ADAM23: variants seen among roughly 807,000 people sequenced by gnomAD.
ADAM23 encodes the protein disintegrin and metalloproteinase domain-containing protein 23.
ADAM23 carries 33 observed loss-of-function variants against 120.1 expected under a neutral mutation model. The observed-to-expected ratio is 0.27, with a 90% CI of 0.21 to 0.37. The LOEUF (loss-of-function observed/expected upper bound fraction) is 0.37. ADAM23 is among the 10% of genes least tolerant of loss of function. The pLI is 1.00. For missense variants in ADAM23, 862 were observed against 1,058.2 expected (o/e 0.81, Z 2.57); for synonymous variants, 367 against 375.2 (o/e 0.98, Z 0.25).
Position 206,617,569 on chromosome 2 carries a change from A to C in ADAM23, c.2451-10A>C, listed in dbSNP as rs1278320439. 1 of 1,598,246 alleles carries C rather than the reference A, an allele frequency of 6.3e-7. No individual in the cohort carries two copies. The highest frequency in any genetic ancestry group is 1.1e-5 in the South Asian group (1 of 87,556). ...CTCTGCTTGCATCTTCTTTTGACTC[A>C]CTCTGGAAGAAATGTCAAGAAGAGA... On this transcript the variant is annotated splice_polypyrimidine_tract_variant and intron_variant, in intron 25 of 25. Transcript: ENST00000264377.
intron 3 of ADAM23, among the ~76,000 whole-genome samples, chr2:206,525,737 G>A (rs1376071423): frequency 2.6e-5 from 4 of 151,832 alleles, no homozygotes; most frequent in South Asian, 2.1e-4. Context: ...GATTACAGAC[G>A]CTCACCACCA....
rs1047463754 is a variant in ADAM23 at position 206,564,935 on chromosome 2, A to G, written c.1346-85A>G. ...GACATGGAATTGGTAATAAAGAATT[A>G]TTGTAGGAGTTGTAATACCAAAAAA... On this transcript the variant is annotated intron_variant, in intron 13 of 25. Coordinates refer to ENST00000264377, the MANE Select transcript of ADAM23 (RefSeq NM_003812.4). 8 of 1,387,982 alleles carry G rather than the reference A, an allele frequency of 5.8e-6. No individual in the cohort carries two copies. In the African/African-American group the frequency reaches 8.6e-5, roughly 15 times the overall value. 86.0% of individuals were successfully genotyped at this position (1,387,982 alleles called of 1,614,324 possible). A position where few individuals can be genotyped will look rare whatever the true frequency, so the allele number is the denominator to read the frequency against.
intron 3 of ADAM23, among the ~76,000 whole-genome samples, chr2:206,504,535 G>A (rs1023339393): frequency 6.6e-6 from 1 of 152,158 alleles, no homozygotes; most frequent in African/African-American, 2.4e-5. Flanking sequence ...ACTCAACTTT[G>A]TATCCTAGAT....
Position 206,587,391 on chromosome 2 carries a change from A to C in ADAM23, c.1788+16A>C. 4 of 1,583,386 alleles carry C rather than the reference A, an allele frequency of 2.5e-6. No individual in the cohort carries two copies. The highest frequency in any genetic ancestry group is 3.4e-6 in the Non-Finnish European group (4 of 1,163,380). ...TCAAAATCAGGTATGCTGGGCTATA[A>C]ATTTTAAGTGTAATTTAAAAAGGAT... On this transcript the variant is annotated intron_variant, in intron 19 of 25. Coordinates refer to ENST00000264377, the MANE Select transcript of ADAM23 (RefSeq NM_003812.4).
At chr2:206,526,191 G>C (rs980689135) in intron 3 of ADAM23, among the ~76,000 whole-genome samples, 2 of 145,248 alleles carry the variant, frequency 1.4e-5, no homozygotes, top group African/African-American at 2.6e-5. Context: ...GACACACACA[G>C]ACACACGTCT....
intron 13 of ADAM23, 141 bp from the exon 14 acceptor site, chr2:206,564,879 G>C (rs769475139): frequency 6.5e-5 from 55 of 840,004 alleles, no homozygotes; most frequent in Non-Finnish European, 8.4e-5. Context: ...ATTTTGTTCT[G>C]TAAGACTTCA....
chr2:206,479,251 A>G (rs926011898), intron 2 of ADAM23, among the ~76,000 whole-genome samples: 1 of 152,204 alleles, frequency 6.6e-6, no homozygotes, highest in Admixed American at 6.5e-5. Flanking sequence ...CCACCAGATT[A>G]CCTTATTTTG....
At chr2:206,514,125 G>A (rs1696683041) in intron 3 of ADAM23, among the ~76,000 whole-genome samples, 1 of 152,140 alleles carries the variant, frequency 6.6e-6, no homozygotes, top group African/African-American at 2.4e-5. Context: ...GAATCAAGGA[G>A]TAATTTCAAC....
At chr2:206,531,585 A>AAGAG (rs369519980) in intron 4 of ADAM23, among the ~76,000 whole-genome samples, 5 of 151,646 alleles carry the variant, frequency 3.3e-5, no homozygotes, top group African/African-American at 1.2e-4. Context: ...GGATTAAAGC[A>AAGAG]AGAGAGAGAG....
chr2:206,456,562 C>T (rs1280766029), intron 2 of ADAM23, among the ~76,000 whole-genome samples: 1 of 152,180 alleles, frequency 6.6e-6, no homozygotes, highest in Non-Finnish European at 1.5e-5. Flanking sequence ...CATGCAGGCA[C>T]AGAGCCAATC....
chr2:206,591,429 G>A (rs1266616559), intron 21 of ADAM23, among the ~76,000 whole-genome samples: 1 of 151,986 alleles, frequency 6.6e-6, no homozygotes, highest in East Asian at 1.9e-4. Flanking sequence ...CTCAAGTCCA[G>A]CATTTTAAGA....
Position 206,562,204 on chromosome 2 carries a change from A to G in ADAM23, c.1256A>G (p.Tyr419Cys). ...CACACTTTCAACTCTGAAAAACAGT[A>G]TGGTCTTCCAATGGCAGTGGCACAA... is the stretch of plus-strand genomic sequence containing the variant. Reference protein sequence around the residue: ...SRTRGVGVNEYGLPMAVAQVL... With the variant: ...SRTRGVGVNECGLPMAVAQVL... The change falls in exon 13 of 26, where the codon TAT becomes TGT. Residue 419 changes from tyrosine (Y) to cysteine (C), a missense_variant and splice_region_variant. Physicochemically the swap from Tyr to Cys is radical, Grantham distance 194. Coordinates refer to ENST00000264377, the MANE Select transcript of ADAM23 (RefSeq NM_003812.4). The G allele has an allele frequency of 1.2e-6, 2 of 1,613,674 alleles. No homozygotes were observed. The highest frequency in any genetic ancestry group is 1.3e-5 in the African/African-American group (1 of 75,052).
chr2:206,452,785 C>T (rs1041048968), intron 2 of ADAM23, among the ~76,000 whole-genome samples: 4 of 152,106 alleles, frequency 2.6e-5, no homozygotes, highest in Admixed American at 2.0e-4. Context: ...CTCAGTTTTC[C>T]CAGCTATCTA....
At chr2:206,604,243 G>A (rs1698691271) in intron 24 of ADAM23, among the ~76,000 whole-genome samples, 1 of 152,002 alleles carries the variant, frequency 6.6e-6, no homozygotes, top group African/African-American at 2.4e-5. Flanking sequence ...TCCAGCCTGG[G>A]CGACAGAGCG....
rs902039062 is a variant in ADAM23 at position 206,620,415 on chromosome 2, A to G, written c.*2788A>G. ...TATGAAAGTTAATGCAACCATATCAATTGTAAAAATGGATTATAATTATTT... is the reference window on the plus strand; with the variant it reads ...TATGAAAGTTAATGCAACCATATCAGTTGTAAAAATGGATTATAATTATTT... On this transcript the variant is annotated 3_prime_UTR_variant, in exon 26 of 26. Transcript: ENST00000264377. 2.0e-5 allele frequency: 3 copies of G among 152,200 alleles called. No homozygotes were observed. Among genetic ancestry groups the G allele is most frequent in the African/African-American group, 4.8e-5 (2 of 41,450 alleles). 9.4% of individuals were successfully genotyped at this position (152,200 alleles called of 1,614,324 possible).
chr2:206,588,301 T>A (rs1376474212), intron 20 of ADAM23, 147 bp downstream of exon 20: 7 of 883,904 alleles, frequency 7.9e-6, no homozygotes, highest in African/African-American at 1.7e-5. Context: ...GAACTGTGAA[T>A]CTTAGTCACA....
intron 25 of ADAM23, among the ~76,000 whole-genome samples, chr2:206,615,398 G>T (rs148116825): frequency 6.6e-6 from 1 of 152,178 alleles, no homozygotes; most frequent in African/African-American, 2.4e-5. Flanking sequence ...GGACCTGCCC[G>T]CAGTAGTTGT....
At chr2:206,569,810 G>A (rs188852339) in intron 15 of ADAM23, among the ~76,000 whole-genome samples, 37 of 152,294 alleles carry the variant, frequency 2.4e-4, no homozygotes, top group Non-Finnish European at 4.6e-4. Flanking sequence ...TCCTGGAAGT[G>A]GAAGGAGGAT....
chr2:206,571,673 T>C lies in ADAM23; in HGVS notation c.1567-54T>C, dbSNP rs1574541099. 18 of 1,325,348 alleles carry C rather than the reference T, an allele frequency of 1.4e-5. No homozygotes were observed. In the East Asian group the frequency reaches 3.9e-4, roughly 29 times the overall value. The allele number at this position is 1,325,348 out of a possible 1,614,324, so 82.1% of individuals were successfully genotyped here. A position where few individuals can be genotyped will look rare whatever the true frequency, so the allele number is the denominator to read the frequency against. On this transcript the variant is annotated intron_variant, in intron 16 of 25. Transcript: ENST00000264377. ...ATGCATGCCACGTGTGGAGAGAATA[T>C]GAATGACCAGCAGGTAAGGCTCTTC... is the stretch of plus-strand genomic sequence containing the variant.
Sources: gnomAD v4.1 joint callset for allele counts (sites outside exome capture counted in the v4.1 genomes callset) on GRCh38, gnomAD v4.1.1 for gene constraint, MANE v1.5 for transcripts, NCBI Gene and HGNC (gene_info 2026-07-23, HGNC 2026-07-21) for gene names.